The following ATP7A variants were observed in gnomAD, a reference collection of about 807,000 sequenced individuals.
The protein encoded by ATP7A is ATPase copper transporting alpha, also known as copper-transporting ATPase 1.
A neutral mutation model predicts 83.5 loss-of-function variants in ATP7A; 7 were observed. The observed-to-expected ratio is 0.08, with a 90% confidence interval of 0.05 to 0.16. ATP7A has a LOEUF of 0.16. Ranked by LOEUF, ATP7A falls within the 10% of genes least tolerant of loss-of-function variation. ATP7A has a pLI of 1.00. For missense variants in ATP7A, 940 were observed against 1,120.8 expected, an observed-to-expected ratio of 0.84 and a Z score of 2.30; for synonymous variants, 354 against 395.2, an observed-to-expected ratio of 0.90 and a Z score of 1.24.
At chrX:77,942,875 C>T (rs782572554) in intron 1 of ATP7A, among the ~76,000 whole-genome samples, 1 of 112,148 alleles carries the variant, frequency 8.9e-6, no homozygotes, top group Non-Finnish European at 1.9e-5. Flanking sequence ...GTGGCATGAT[C>T]TCGGCTGACT....
chrX:77,952,228 C>T (rs1189314540), intron 1 of ATP7A, among the ~76,000 whole-genome samples: 1 of 111,916 alleles, frequency 8.9e-6, no homozygotes, highest in Admixed American at 9.5e-5. Flanking sequence ...AGTGCAATTG[C>T]TGGATTGTAT....
At chrX:77,931,969 C>T (rs781784471) in intron 1 of ATP7A, among the ~76,000 whole-genome samples, 26 of 98,279 alleles carry the variant, frequency 2.6e-4, no homozygotes, top group Admixed American at 1.4e-3. Flanking sequence ...ACCTCCCTCC[C>T]GGACGGGGCG....
chrX:78,012,794 G>A (rs2077836184), intron 9 of ATP7A, 85 bp from the exon 10 acceptor site: 2 of 848,360 alleles, frequency 2.4e-6, no homozygotes, highest in Non-Finnish European at 3.5e-6. Context: ...CAAAGAAAGT[G>A]ACTATTGATA....
At chrX:77,996,546 A>G (rs1489422285) in intron 4 of ATP7A, among the ~76,000 whole-genome samples, 1 of 112,029 alleles carries the variant, frequency 8.9e-6, no homozygotes, top group Non-Finnish European at 1.9e-5. Context: ...TGGAGGATGA[A>G]GAAGGCTTTG....
At chrX:77,932,239 G>A (rs2077288684) in intron 1 of ATP7A, among the ~76,000 whole-genome samples, 1 of 111,191 alleles carries the variant, frequency 9.0e-6, no homozygotes, top group Non-Finnish European at 1.9e-5. Context: ...GTCGCGGCCG[G>A]GCAGAGGCGC....
intron 3 of ATP7A, 99 bp downstream of exon 3, chrX:77,988,830 G>C: frequency 9.8e-7 from 1 of 1,016,845 alleles, no homozygotes; most frequent in Non-Finnish European, 1.4e-6. Flanking sequence ...GAATCCATGA[G>C]ACTAGAGTGC....
At chrX:77,934,883 C>T (rs1603372408) in intron 1 of ATP7A, among the ~76,000 whole-genome samples, 1 of 105,844 alleles carries the variant, frequency 9.4e-6, no homozygotes. Flanking sequence ...CAGCCTTACT[C>T]TGTTGCACAG....
intron 22 of ATP7A, 143 bp from the exon 23 acceptor site, chrX:78,046,151 C>G (rs1230803736): frequency 1.5e-6 from 1 of 663,889 alleles, no homozygotes; most frequent in African/African-American, 2.2e-5. Context: ...TCGTTTCAAG[C>G]TATTTTCCTA....
chrX:77,912,149 G>GT (rs1176436446), intron 1 of ATP7A, among the ~76,000 whole-genome samples: 3 of 110,944 alleles, frequency 2.7e-5, no homozygotes, highest in East Asian at 2.8e-4. Context: ...ACATGAGAGA[G>GT]TTTTTTTTGT....
intron 1 of ATP7A, among the ~76,000 whole-genome samples, chrX:77,916,843 T>C (rs1258240592): frequency 4.5e-5 from 5 of 111,557 alleles, no homozygotes; most frequent in Non-Finnish European, 9.4e-5. Flanking sequence ...TTCCAATGTC[T>C]AGCAAGAGAA....
intron 14 of ATP7A, among the ~76,000 whole-genome samples, chrX:78,024,948 G>A (rs1030734220): frequency 4.5e-5 from 5 of 111,436 alleles, no homozygotes; most frequent in Admixed American, 1.9e-4. Context: ...CTACTGGTGT[G>A]TATCCTGAAC....
At chrX:77,973,152 A>T (rs1414303777) in intron 2 of ATP7A, among the ~76,000 whole-genome samples, 3 of 111,605 alleles carry the variant, frequency 2.7e-5, no homozygotes, top group Non-Finnish European at 5.6e-5. Flanking sequence ...GAAAAAAATT[A>T]AAAAAATATT....
Position 77,971,686 on chromosome X carries a change from G to C in ATP7A, c.45G>C (p.Glu15Asp). 1.7e-6 allele frequency: 2 copies of C among 1,210,333 alleles called. No individual in the cohort carries two copies. Among genetic ancestry groups the C allele is most frequent in the Non-Finnish European group, 2.2e-6 (2 of 894,140 alleles). Reference protein sequence around the residue: ...MGVNSVTISVEGMTCNSCVWT... With the variant: ...MGVNSVTISVDGMTCNSCVWT... ...TGAATTCTGTTACCATTTCTGTTGA[G>C]GGTATGACTTGCAATTCCTGTGTTT... Residue 15 changes from glutamate (E) to aspartate (D), a missense_variant, in exon 2 of 23, where the codon GAG becomes GAC. Transcript: ENST00000341514.
intron 1 of ATP7A, among the ~76,000 whole-genome samples, chrX:77,924,952 A>G (rs2077233708): frequency 8.9e-6 from 1 of 111,817 alleles, no homozygotes; most frequent in Non-Finnish European, 1.9e-5. Flanking sequence ...TCGGCCTCCC[A>G]AAGTGCTGGA....
chrX:77,923,210 A>C (rs2077224500), intron 1 of ATP7A: 1 of 112,235 alleles, frequency 8.9e-6, no homozygotes, highest in Non-Finnish European at 1.9e-5. Context: ...TGCTATATGA[A>C]TGTAAAGATA....
intron 1 of ATP7A, among the ~76,000 whole-genome samples, chrX:77,953,089 T>C (rs1052061247): frequency 1.2e-4 from 13 of 112,120 alleles, no homozygotes; most frequent in African/African-American, 3.9e-4. Context: ...GCCTGTTTTT[T>C]CAACTTATTC....
chrX:77,943,292 A>G (rs1265602341), intron 1 of ATP7A, among the ~76,000 whole-genome samples: 17 of 112,473 alleles, frequency 1.5e-4, no homozygotes, highest in African/African-American at 5.5e-4. Context: ...TTTAGTGCCC[A>G]GCACTAAAAG....
In ATP7A at chrX:78,011,435, T is replaced by C. The variant is rs1557234464; in HGVS notation, c.1947-14T>C. On this transcript the variant is annotated splice_polypyrimidine_tract_variant and intron_variant, in intron 8 of 22. Coordinates refer to ENST00000341514, the MANE Select transcript of ATP7A (RefSeq NM_000052.7). ...ATGACCATGATTTTTCTTTTTTTATTTTTTCCATATAAGATGGAGACGGTC... is the reference window on the plus strand; with the variant it reads ...ATGACCATGATTTTTCTTTTTTTATCTTTTCCATATAAGATGGAGACGGTC... 8.3e-7 allele frequency: 1 copy of C among 1,201,310 alleles called. No individual in the cohort carries two copies. Among genetic ancestry groups the C allele is most frequent in the Non-Finnish European group, 1.1e-6 (1 of 886,688 alleles).
chrX:77,953,809 G>A (rs1406537284), intron 1 of ATP7A, among the ~76,000 whole-genome samples: 1 of 112,387 alleles, frequency 8.9e-6, no homozygotes, highest in Non-Finnish European at 1.9e-5. Flanking sequence ...TGAGGTTATT[G>A]TTAGCTTTGG....
Sources: gnomAD v4.1 joint callset for allele counts (sites outside exome capture counted in the v4.1 genomes callset) on GRCh38, gnomAD v4.1.1 for gene constraint, MANE v1.5 for transcripts, NCBI Gene and HGNC (gene_info 2026-07-23, HGNC 2026-07-21) for gene names.